FAP: variants seen among roughly 807,000 people sequenced by gnomAD.
The protein encoded by FAP is fibroblast activation protein alpha, also known as prolyl endopeptidase FAP.
In FAP, 110 loss-of-function variants were observed where a neutral mutation model predicts 126.5. The ratio of observed to expected loss-of-function variants is 0.87; its 90% CI spans 0.74 to 1.02. The LOEUF is 1.02. Ranked by LOEUF, FAP falls within the 50% of genes least tolerant of loss-of-function variation. The pLI, the probability that FAP is intolerant of heterozygous loss-of-function variation, is 0.00. For missense variants in FAP, 919 were observed against 909.2 expected (o/e 1.01, Z -0.14); for synonymous variants, 334 against 297.3 (o/e 1.12, Z -1.27).
Position 162,170,981 on chromosome 2 carries a change from A to G in FAP, c.2281T>C (p.Ter761GlnextTer16). The G allele has an allele frequency of 6.2e-7, 1 of 1,611,966 alleles. No individual in the cohort carries two copies. The highest frequency in any genetic ancestry group is 8.5e-7 in the Non-Finnish European group (1 of 1,178,302). ...FLKQCFSLSD[*>Q] ...ACAGGCTTGCATCTGCATCGTTTTT[A>G]GTCTGACAAAGAGAAACACTGCTTT... The change falls in exon 26 of 26, where the codon TAA becomes CAA. Residue 761 changes from the stop codon to glutamine (Q), a stop_lost. Coordinates refer to ENST00000188790, the MANE Select transcript of FAP (RefSeq NM_004460.5).
At chr2:162,208,254 T>TAA (rs77137293) in intron 12 of FAP, among the ~76,000 whole-genome samples, 4 of 137,694 alleles carry the variant, frequency 2.9e-5, no homozygotes, top group Non-Finnish European at 6.3e-5. Flanking sequence ...GATTCCGTCT[T>TAA]AAAAAAAAAA....
At chr2:162,221,781 T>G in intron 6 of FAP, 1 of 455,898 alleles carries the variant, frequency 2.2e-6, no homozygotes, top group Non-Finnish European at 4.4e-6. Flanking sequence ...GTTCATCTCC[T>G]CAGTTTTGCC....
intron 21 of FAP, among the ~76,000 whole-genome samples, chr2:162,179,759 G>GATCTATCTATCTATCT (rs1320073177): frequency 1.5e-5 from 2 of 134,890 alleles, no homozygotes; most frequent in African/African-American, 5.5e-5. Flanking sequence ...AGGAAGCACA[G>GATCTATCTATCTATCT]ATCTATCTAT....
intron 14 of FAP, 82 bp downstream of exon 14, chr2:162,202,789 TA>T: frequency 1.0e-6 from 1 of 977,666 alleles, no homozygotes; most frequent in Non-Finnish European, 1.6e-6. Context: ...TCTTCTTAAC[TA>T]AGAGAGTTGG....
chr2:162,186,197 T>C (rs1687863298), intron 20 of FAP, among the ~76,000 whole-genome samples: 3 of 152,160 alleles, frequency 2.0e-5, no homozygotes, highest in Non-Finnish European at 4.4e-5. Flanking sequence ...TGCAATGGCA[T>C]GTATTAATAT....
intron 3 of FAP, 34 bp downstream of exon 3, chr2:162,226,488 TA>T (rs370138805): frequency 2.1e-4 from 246 of 1,161,958 alleles, no homozygotes; most frequent in South Asian, 1.3e-3. Context: ...ACAAAATACA[TA>T]AAAAAAACCC....
chr2:162,210,351 C>G (rs1039638816), intron 11 of FAP, among the ~76,000 whole-genome samples: 1 of 152,086 alleles, frequency 6.6e-6, no homozygotes, highest in African/African-American at 2.4e-5. Context: ...TATGAAGTAG[C>G]TAAAATTTTA....
rs747622686 is a variant in FAP at position 162,171,018 on chromosome 2, C to T, written c.2244G>A (p.Met748Ile). The T allele has an allele frequency of 6.2e-7, 1 of 1,613,270 alleles. No individual in the cohort carries two copies. The highest frequency in any genetic ancestry group is 1.1e-5 in the South Asian group (1 of 91,038). The change falls in exon 26 of 26, where the codon ATG (methionine) becomes ATA (isoleucine). Residue 748 changes from methionine (M) to isoleucine (I), a missense_variant. Physicochemically the swap from Met to Ile is conservative, Grantham distance 10. Transcript: ENST00000188790. ...AGAAACACTGCTTTAGGAAGTGGGT[C>T]ATGTGGGTGTATAAGTGGTTCGTGG... ...GLSTNHLYTH[M>I]THFLKQCFSL...
At chr2:162,239,149 A>T (rs1465063270) in intron 2 of FAP, among the ~76,000 whole-genome samples, 1 of 151,964 alleles carries the variant, frequency 6.6e-6, no homozygotes, top group Non-Finnish European at 1.5e-5. Flanking sequence ...TCTGATATTC[A>T]GCCTCCTAAA....
rs1484680704 is a variant in FAP, at chr2:162,188,504, AGAG to A, written c.1620-144_1620-142del. The stretch of plus-strand genomic sequence containing the variant: ...TGGCGTTAGAACTGGCTCAAAATCA[AGAG>A]GAGTCCAGGCTTTTCCCAGAGGTTT... On this transcript the variant is annotated intron_variant, in intron 19 of 25. Coordinates refer to ENST00000188790, the MANE Select transcript of FAP (RefSeq NM_004460.5). 66 of 755,288 alleles carry A rather than the reference AGAG, an allele frequency of 8.7e-5. No individual in the cohort carries two copies. In the South Asian group the frequency reaches 1.2e-3, roughly 14 times the overall value. 46.8% of individuals were successfully genotyped at this position (755,288 alleles called of 1,614,324 possible). A position where few individuals can be genotyped will look rare whatever the true frequency, so the allele number is the denominator to read the frequency against.
intron 12 of FAP, 48 bp downstream of exon 12, chr2:162,209,904 A>G: frequency 5.2e-6 from 8 of 1,536,668 alleles, no homozygotes; most frequent in South Asian, 1.1e-5. Flanking sequence ...ATAGCTGAGA[A>G]TCTGTCAAGT....
intron 19 of FAP, 46 bp downstream of exon 19, chr2:162,189,057 C>T (rs1409871963): frequency 1.6e-6 from 2 of 1,215,046 alleles, no homozygotes; most frequent in Non-Finnish European, 2.4e-6. Flanking sequence ...TTTCATCTAA[C>T]ATATTTTCAG....
chr2:162,242,878 CAGAT>C (rs1298414129), intron 2 of FAP, 26 bp downstream of exon 2: 1 of 1,546,846 alleles, frequency 6.5e-7, no homozygotes, highest in African/African-American at 1.4e-5. Context: ...CTATTCTAGG[CAGAT>C]AGAGCAAATC....
intron 22 of FAP, among the ~76,000 whole-genome samples, chr2:162,174,258 G>C (rs1463890189): frequency 6.6e-6 from 1 of 151,926 alleles, no homozygotes; most frequent in Non-Finnish European, 1.5e-5. Flanking sequence ...TCTTAATCAA[G>C]ATCCCCTACA....
chr2:162,198,922 A>G, intron 15 of FAP, 41 bp from the exon 16 acceptor site: 1 of 1,585,482 alleles, frequency 6.3e-7, no homozygotes, highest in Non-Finnish European at 8.6e-7. Flanking sequence ...AAATTTTGAG[A>G]TTGTATTTAT....
chr2:162,198,107 T>C (rs1478587919), intron 16 of FAP: 10 of 1,089,978 alleles, frequency 9.2e-6, no homozygotes, highest in South Asian at 4.5e-5. Context: ...AATGTACGTA[T>C]GTCCTAAACA....
At chr2:162,230,621 A>G (rs1689860522) in intron 2 of FAP, among the ~76,000 whole-genome samples, 1 of 151,516 alleles carries the variant, frequency 6.6e-6, no homozygotes, top group African/African-American at 2.4e-5. Flanking sequence ...ACCCTCTATT[A>G]CATGTTGTAA....
chr2:162,173,700 C>T (rs773637882), intron 23 of FAP, 23 bp downstream of exon 23: 1 of 1,481,906 alleles, frequency 6.7e-7, no homozygotes, highest in Non-Finnish European at 9.4e-7. Context: ...AATTATTAAC[C>T]TAAATAAAAT....
chr2:162,200,533 A>T (rs955288303), intron 15 of FAP, 33 bp downstream of exon 15: 16 of 1,249,206 alleles, frequency 1.3e-5, no homozygotes, highest in Non-Finnish European at 1.0e-5. Flanking sequence ...ATATCAACAC[A>T]TAGAAATACC....
Sources: allele counts gnomAD v4.1 joint callset (sites outside exome capture counted in the v4.1 genomes callset), GRCh38; gene constraint gnomAD v4.1.1; transcripts MANE v1.5; gene names NCBI Gene and HGNC (gene_info 2026-07-23, HGNC 2026-07-21).